The following FOXH1 variants were observed in gnomAD, a reference collection of about 807,000 sequenced individuals.
FOXH1 encodes forkhead box protein H1.
Under a neutral mutation model 14.2 loss-of-function variants are expected in FOXH1, and 10 were observed. That is an observed-to-expected ratio of 0.70 (90% CI 0.43 to 1.19). FOXH1 has a LOEUF of 1.19. Ranked by LOEUF, FOXH1 falls within the 50% of genes most tolerant of loss-of-function variation. The probability of loss-of-function intolerance (pLI) is 0.00; values close to 1 mark genes in which losing one functional copy is unlikely to be tolerated. For missense variants in FOXH1, 643 were observed against 492.1 expected, an observed-to-expected ratio of 1.31 and a Z score of -2.90; for synonymous variants, 273 against 209.5, an observed-to-expected ratio of 1.30 and a Z score of -2.62.
Position 144,474,259 on chromosome 8 carries a change from C to CG in FOXH1, c.1076_1077insC (p.Leu360AlafsTer90). 1 of 1,585,730 alleles carries CG rather than the reference C, an allele frequency of 6.3e-7. No individual in the cohort carries two copies. Among genetic ancestry groups the CG allele is most frequent in the Non-Finnish European group, 8.6e-7 (1 of 1,165,382 alleles). Reference sequence around the variant, plus strand: ...AGCCTCACAGGCTGCACCAGGAGAGCAGCCAGCCTGGGCCAGGGGCCGCCA... The same window carrying CG: ...AGCCTCACAGGCTGCACCAGGAGAGCGAGCCAGCCTGGGCCAGGGGCCGCCA... On this transcript the variant is annotated frameshift_variant, in exon 3 of 3. Transcript: ENST00000377317. LOFTEE classifies it high-confidence loss of function.
At position 144,474,885 on chromosome 8, in the gene FOXH1, C is replaced by G; in HGVS notation, c.451G>C (p.Gly151Arg). 1 of 1,610,666 alleles carries G rather than the reference C, an allele frequency of 6.2e-7. No homozygotes were observed. The highest frequency in any genetic ancestry group is 1.3e-5 in the African/African-American group (1 of 75,056). ...AKDLGPYVLH[G>R]RPYRPPSPPP... Reference sequence around the variant, plus strand: ...GGACTGGGCGGCCGGTATGGCCGGCCGTGCAGCACGTAGGGGCCCAGGTCC... The same window carrying G: ...GGACTGGGCGGCCGGTATGGCCGGCGGTGCAGCACGTAGGGGCCCAGGTCC... The change falls in exon 3 of 3, where the codon GGC becomes CGC. Residue 151 changes from glycine to arginine, a missense_variant. Physicochemically the swap from Gly to Arg is moderately radical, Grantham distance 125. Transcript: ENST00000377317.
Position 144,474,006 on chromosome 8 carries a change from A to T in FOXH1, c.*232T>A, listed in dbSNP as rs554640776. ...ATTCCAGGCTCAGCCCTGCTCCTGC[A>T]GCTTTGCCGCTGAGTGTAGGAAAAA... is the stretch of plus-strand genomic sequence containing the variant. On this transcript the variant is annotated 3_prime_UTR_variant, in exon 3 of 3. Coordinates refer to ENST00000377317, the MANE Select transcript of FOXH1 (RefSeq NM_003923.3). 1 of 568,596 alleles carries T rather than the reference A, an allele frequency of 1.8e-6. No individual in the cohort carries two copies. Among genetic ancestry groups the T allele is most frequent in the East Asian group, 2.9e-5 (1 of 35,018 alleles). 35.2% of individuals were successfully genotyped at this position (568,596 alleles called of 1,614,324 possible).
intron 1 of FOXH1, 135 bp downstream of exon 1, chr8:144,475,448 G>T: frequency 1.2e-6 from 1 of 854,074 alleles, no homozygotes; most frequent in Non-Finnish European, 1.8e-6. Flanking sequence ...CGTGCCTTGA[G>T]GCCCTCAGCT....
chr8:144,474,676 G>C lies in FOXH1; in HGVS notation c.660C>G (p.Cys220Trp). ...CCACTCTCGTGGGGCCAGGAAGGGG[G>C]CAGAGGGGCCACAGAGGCCTCTCAG... ...PSSERPLWPL[C>W]PLPGPTRVEG... Residue 220 changes from cysteine (C) to tryptophan (W), a missense_variant, in exon 3 of 3, where the codon TGC (cysteine) becomes TGG (tryptophan). Transcript: ENST00000377317. The C allele has an allele frequency of 6.5e-7, 1 of 1,544,954 alleles. No individual in the cohort carries two copies. Among genetic ancestry groups the C allele is most frequent in the Non-Finnish European group, 8.7e-7 (1 of 1,144,298 alleles).
chr8:144,474,652 C>T lies in FOXH1; in HGVS notation c.684G>A (p.Val228=). 1 of 1,561,874 alleles carries T rather than the reference C, an allele frequency of 6.4e-7. No individual in the cohort carries two copies. Among genetic ancestry groups the T allele is most frequent in the Non-Finnish European group, 8.7e-7 (1 of 1,152,368 alleles). Residue 228 remains valine (V), a synonymous_variant, in exon 3 of 3, where the codon GTG becomes GTA. Transcript: ENST00000377317. ...PLCPLPGPTR[V]EGETVQGGAI... is the part of the protein sequence containing the mutation. ...CTCCCCCCTGCACAGTCTCCCCCTC[C>T]ACTCTCGTGGGGCCAGGAAGGGGGC...
At position 144,474,854 on chromosome 8, in the gene FOXH1, G is replaced by C. The variant is rs1279800807; in HGVS notation, c.482C>G (p.Pro161Arg). 1 of 1,611,810 alleles carries C rather than the reference G, an allele frequency of 6.2e-7. No individual in the cohort carries two copies. Among genetic ancestry groups the C allele is most frequent in the Admixed American group, 1.7e-5 (1 of 60,002 alleles). ...GRPYRPPSPP[P>R]PPSEGFSIKS... is the part of the protein sequence containing the mutation. ...GATGCTGAAGCCCTCACTGGGTGGT[G>C]GCGGGGGACTGGGCGGCCGGTATGG... The change falls in exon 3 of 3, where the codon CCA becomes CGA. Residue 161 changes from proline to arginine, a missense_variant. Pro to Arg is a moderately radical substitution (Grantham distance 103, BLOSUM62 -2). Coordinates refer to ENST00000377317, the MANE Select transcript of FOXH1 (RefSeq NM_003923.3).
chr8:144,473,647 T>C lies in FOXH1; in HGVS notation c.*591A>G, dbSNP rs1358756982. ...TTCTCCTTATCACCATTTGCTGTTATCACGGCACACAGCAGGGAATCCCAG... is the reference window on the plus strand; with the variant it reads ...TTCTCCTTATCACCATTTGCTGTTACCACGGCACACAGCAGGGAATCCCAG... On this transcript the variant is annotated 3_prime_UTR_variant, in exon 3 of 3. Transcript: ENST00000377317. 4 of 515,474 alleles carry C rather than the reference T, an allele frequency of 7.8e-6. No homozygotes were observed. The highest frequency in any genetic ancestry group is 7.2e-5 in the South Asian group (2 of 27,708). 31.9% of individuals were successfully genotyped at this position (515,474 alleles called of 1,614,324 possible).
At position 144,474,039 on chromosome 8, in the gene FOXH1, G is replaced by A. The variant is rs1202164482; in HGVS notation, c.*199C>T. The A allele has an allele frequency of 6.8e-6, 4 of 590,232 alleles. No individual in the cohort carries two copies. The highest frequency in any genetic ancestry group is 1.9e-5 in the African/African-American group (1 of 53,890). 36.6% of individuals were successfully genotyped at this position (590,232 alleles called of 1,614,324 possible). On this transcript the variant is annotated 3_prime_UTR_variant, in exon 3 of 3. Coordinates refer to ENST00000377317, the MANE Select transcript of FOXH1 (RefSeq NM_003923.3). Reference sequence around the variant, plus strand: ...CGCTGAGTGTAGGAAAAACAGGCATGACAGACCAGGGTGAGGGTTGTGCCC... The same window carrying A: ...CGCTGAGTGTAGGAAAAACAGGCATAACAGACCAGGGTGAGGGTTGTGCCC...
rs1270873964 is a variant in FOXH1 at position 144,475,591 on chromosome 8, G to A, written c.166C>T (p.Leu56=). 1 of 1,449,048 alleles carries A rather than the reference G, an allele frequency of 6.9e-7. No individual in the cohort carries two copies. Among genetic ancestry groups the A allele is most frequent in the Non-Finnish European group, 9.1e-7 (1 of 1,097,886 alleles). 89.8% of individuals were successfully genotyped at this position (1,449,048 alleles called of 1,614,324 possible). A position where few individuals can be genotyped will look rare whatever the true frequency, so the allele number is the denominator to read the frequency against. The change falls in exon 1 of 3, where the codon CTG becomes TTG. Residue 56 remains leucine, a synonymous_variant. Coordinates refer to ENST00000377317, the MANE Select transcript of FOXH1 (RefSeq NM_003923.3). ...IQAAPSRRLK[L]AQIIRQVQAV... is the part of the protein sequence containing the mutation. ...GGCCGGGGCCCGCTCACCTGGGCCA[G>A]CTTCAGTCTGCGGGAGGGAGCGGCC...
intron 1 of FOXH1, 38 bp from the exon 2 acceptor site, chr8:144,475,299 A>G: frequency 6.4e-7 from 1 of 1,552,438 alleles, no homozygotes; most frequent in Admixed American, 1.7e-5. Flanking sequence ...CCGTGAGCCC[A>G]GACGGGGAGG....
At chr8:144,475,402 C>G (rs1825120009) in intron 1 of FOXH1, 141 bp from the exon 2 acceptor site, 1 of 939,162 alleles carries the variant, frequency 1.1e-6, no homozygotes, top group Non-Finnish European at 1.7e-6. Flanking sequence ...TGCGCGGAAG[C>G]GCGGCAGAGA....
chr8:144,475,102 G>A lies in FOXH1; in HGVS notation c.280-46C>T, dbSNP rs778488119. 3 of 1,603,152 alleles carry A rather than the reference G, an allele frequency of 1.9e-6. No individual in the cohort carries two copies. In the Admixed American group the frequency reaches 5.1e-5, roughly 27 times the overall value. ...TGGGTGGGGCTGCCCAACCTTGGATGCTCAGGACTTCCGCGCGCGCTCCGC... is the reference window on the plus strand; with the variant it reads ...TGGGTGGGGCTGCCCAACCTTGGATACTCAGGACTTCCGCGCGCGCTCCGC... On this transcript the variant is annotated intron_variant, in intron 2 of 2. Transcript: ENST00000377317.
chr8:144,475,541 C>G, intron 1 of FOXH1, 42 bp downstream of exon 1: 1 of 1,424,098 alleles, frequency 7.0e-7, no homozygotes, highest in Non-Finnish European at 9.3e-7. Context: ...GGGTGGGGAA[C>G]GAGTCTGGGG....
At position 144,474,439 on chromosome 8, in the gene FOXH1, G is replaced by A. The variant is rs1230873706; in HGVS notation, c.897C>T (p.Ser299=). 6.2e-7 allele frequency: 1 copy of A among 1,613,134 alleles called. No individual in the cohort carries two copies. Among genetic ancestry groups the A allele is most frequent in the Non-Finnish European group, 8.5e-7 (1 of 1,180,020 alleles). Residue 299 remains serine, a synonymous_variant, in exon 3 of 3, where the codon TCC becomes TCT. Transcript: ENST00000377317. ...VVMPLAPPPT[S]CPQCPSTSPA... ...GGCTGGTTGACGGACACTGGGGACA[G>A]GAGGTGGGTGGTGGTGCCAAGGGCA...
chr8:144,474,332 G>A lies in FOXH1; in HGVS notation c.1004C>T (p.Pro335Leu), dbSNP rs1421316442. The change falls in exon 3 of 3, where the codon CCA becomes CTA. Residue 335 changes from proline (P) to leucine (L), a missense_variant. By Grantham distance (98) the Pro-to-Leu change is moderately conservative (BLOSUM62 -3). Transcript: ENST00000377317. ...AACGTCGTAGATGCTTTTGTTGGGT[G>A]GCACCCCTTGGAAGAGGGCGTCTAG... is the stretch of plus-strand genomic sequence containing the variant. Reference protein sequence around the residue: ...CDLDALFQGVPPNKSIYDVWV... With the variant: ...CDLDALFQGVLPNKSIYDVWV... The A allele has an allele frequency of 2.5e-6, 4 of 1,612,710 alleles. No homozygotes were observed. Among genetic ancestry groups the A allele is most frequent in the Non-Finnish European group, 3.4e-6 (4 of 1,179,848 alleles).
At position 144,475,138 on chromosome 8, in the gene FOXH1, C is replaced by G; in HGVS notation, c.279+19G>C. ...CCGCGCGCGCTCCGCCCCCGGGCTC[C>G]GACCCTGGCCTGCCCCACCTTGCGG... On this transcript the variant is annotated intron_variant, in intron 2 of 2. Transcript: ENST00000377317. The G allele has an allele frequency of 6.2e-7, 1 of 1,611,602 alleles. No individual in the cohort carries two copies. Among genetic ancestry groups the G allele is most frequent in the African/African-American group, 1.3e-5 (1 of 75,014 alleles).
At position 144,474,484 on chromosome 8, in the gene FOXH1, G is replaced by A; in HGVS notation, c.852C>T (p.Ile284=). The part of the protein sequence containing the change: ...WGQLPTSYLP[I]YTPNVVMPLA... Reference sequence around the variant, plus strand: ...AGGGCATTACCACATTGGGAGTGTAGATAGGCAAGTAGGAGGTGGGCAGCT... The same window carrying A: ...AGGGCATTACCACATTGGGAGTGTAAATAGGCAAGTAGGAGGTGGGCAGCT... Residue 284 remains isoleucine, a synonymous_variant, in exon 3 of 3, where the codon ATC becomes ATT. Transcript: ENST00000377317. 1 of 1,612,050 alleles carries A rather than the reference G, an allele frequency of 6.2e-7. No individual in the cohort carries two copies. The highest frequency in any genetic ancestry group is 8.5e-7 in the Non-Finnish European group (1 of 1,179,990).
In FOXH1 at chr8:144,475,048, C is replaced by T. The variant is rs1825101843; in HGVS notation, c.288G>A (p.Lys96=). 6.2e-7 allele frequency: 1 copy of T among 1,601,610 alleles called. No homozygotes were observed. Among genetic ancestry groups the T allele is most frequent in the Non-Finnish European group, 8.5e-7 (1 of 1,174,556 alleles). ...SSNRCFRKVP[K]DPAKPQAKGN... ...CCTTGGCCTGGGGCTTTGCAGGGTCCTTGGGCACCTGGGTGTGGGGGTCAG... is the reference window on the plus strand; with the variant it reads ...CCTTGGCCTGGGGCTTTGCAGGGTCTTTGGGCACCTGGGTGTGGGGGTCAG... Residue 96 remains lysine, a synonymous_variant, in exon 3 of 3, where the codon AAG becomes AAA. Transcript: ENST00000377317.
rs1825123563 is a variant in FOXH1, at chr8:144,475,514, G to A, written c.174+69C>T. ...TGGGCTAGGAAGGGGTGGGGGTCAG[G>A]GCTTGAACCTGGAAGTGGGTGGGGA... On this transcript the variant is annotated intron_variant, in intron 1 of 2. Transcript: ENST00000377317. 6 of 1,296,140 alleles carry A rather than the reference G, an allele frequency of 4.6e-6. No homozygotes were observed. The Middle Eastern group carries it at 6.4e-4, about 139-fold the overall frequency. The allele number at this position is 1,296,140 out of a possible 1,614,324, so 80.3% of individuals were successfully genotyped here.
Sources: gnomAD v4.1 joint callset for allele counts on GRCh38, gnomAD v4.1.1 for gene constraint, MANE v1.5 for transcripts, NCBI Gene and HGNC (gene_info 2026-07-23, HGNC 2026-07-21) for gene names.